PEBP4: variants seen among roughly 807,000 people sequenced by gnomAD.
PEBP4 encodes the protein phosphatidylethanolamine-binding protein 4.
Under a neutral mutation model 23.9 loss-of-function variants are expected in PEBP4, and 22 were observed. That is an observed-to-expected ratio of 0.92 (90% CI 0.66 to 1.31). The LOEUF (loss-of-function observed/expected upper bound fraction) is 1.31. Ranked by LOEUF, PEBP4 falls within the 40% of genes most tolerant of loss-of-function variation. The pLI is 0.00. For missense variants in PEBP4, 324 were observed against 281.7 expected, an observed-to-expected ratio of 1.15 and a Z score of -1.07; for synonymous variants, 112 against 99.3, an observed-to-expected ratio of 1.13 and a Z score of -0.76.
At chr8:22,792,827 T>C (rs1321615337) in intron 4 of PEBP4, among the ~76,000 whole-genome samples, 1 of 151,342 alleles carries the variant, frequency 6.6e-6, no homozygotes, top group Admixed American at 6.6e-5. Context: ...CCATGGGGCA[T>C]TGCGGTGGGT....
chr8:22,937,893 T>G (rs1289259540), intron 1 of PEBP4, among the ~76,000 whole-genome samples: 1 of 152,052 alleles, frequency 6.6e-6, no homozygotes, highest in Non-Finnish European at 1.5e-5. Flanking sequence ...TGCAAAAGAA[T>G]GAAGGTGGAT....
chr8:22,868,974 A>G (rs1807957127), intron 3 of PEBP4, among the ~76,000 whole-genome samples: 1 of 151,878 alleles, frequency 6.6e-6, no homozygotes, highest in Non-Finnish European at 1.5e-5. Context: ...AAGCCACCAG[A>G]CCCTACAGGA....
intron 3 of PEBP4, among the ~76,000 whole-genome samples, chr8:22,818,036 G>C (rs572091512): frequency 6.6e-6 from 1 of 152,312 alleles, no homozygotes; most frequent in South Asian, 2.1e-4. Flanking sequence ...GTGCCGTGGA[G>C]GAATCAAGGA....
intron 4 of PEBP4, among the ~76,000 whole-genome samples, chr8:22,732,637 TG>T (rs1554479293): frequency 8.8e-4 from 17 of 19,412 alleles, no homozygotes; most frequent in African/African-American, 1.3e-3. Context: ...GCCCCATTTG[TG>T]TGTGTGTGTG....
intron 3 of PEBP4, among the ~76,000 whole-genome samples, chr8:22,902,644 G>T (rs1159493650): frequency 2.0e-5 from 3 of 152,208 alleles, no homozygotes; most frequent in African/African-American, 7.2e-5. Flanking sequence ...GATGAATGCT[G>T]AGATCTCAGC....
intron 4 of PEBP4, among the ~76,000 whole-genome samples, chr8:22,786,824 CTTTTT>C (rs112542901): frequency 7.0e-6 from 1 of 142,368 alleles, no homozygotes; most frequent in African/African-American, 2.6e-5. Flanking sequence ...CCCCCTACCG[CTTTTT>C]TTTTTTTTTG....
intron 4 of PEBP4, among the ~76,000 whole-genome samples, chr8:22,810,679 T>C (rs1455593276): frequency 1.5e-4 from 15 of 101,762 alleles, no homozygotes; most frequent in African/African-American, 3.5e-4. Context: ...GGTGTGTGTG[T>C]GTGTGTGTGT....
At chr8:22,743,778 C>G (rs1805051079) in intron 4 of PEBP4, among the ~76,000 whole-genome samples, 1 of 152,238 alleles carries the variant, frequency 6.6e-6, no homozygotes, top group African/African-American at 2.4e-5. Context: ...CAGCACCACG[C>G]CCCTTTCCTC....
intron 4 of PEBP4, among the ~76,000 whole-genome samples, chr8:22,803,096 C>G (rs1011091006): frequency 3.9e-5 from 6 of 152,172 alleles, no homozygotes; most frequent in African/African-American, 1.4e-4. Context: ...CTCCCTGCCT[C>G]TCCTCACTCT....
At chr8:22,766,131 C>T (rs1805610424) in intron 4 of PEBP4, among the ~76,000 whole-genome samples, 1 of 152,262 alleles carries the variant, frequency 6.6e-6, no homozygotes, top group South Asian at 2.1e-4. Context: ...CTGTGTCTCC[C>T]TTCCTCACCC....
At chr8:22,713,684 G>A (rs921734776) in intron 6 of PEBP4, 148 bp from the exon 7 acceptor site, 48 of 1,126,122 alleles carry the variant, frequency 4.3e-5, no homozygotes, top group Admixed American at 9.9e-5. Context: ...GGGAGCTTCC[G>A]GCTCCTGTTG....
At chr8:22,924,766 G>C (rs1359377791) in intron 2 of PEBP4, 1 of 985,256 alleles carries the variant, frequency 1.0e-6, no homozygotes, top group Non-Finnish European at 1.2e-6. Context: ...GAGAATCATG[G>C]TTCTTTCCAT....
In PEBP4 at chr8:22,865,548, G is replaced by A. The variant is rs987323988; in HGVS notation, c.259-47813C>T. ...CTAAAAAAGGCAAGGCGCTGCTGCC[G>A]GTGCCGGTGCCGCAGCCGCCGGGGA... On this transcript the variant is annotated intron_variant, in intron 3 of 6. Transcript: ENST00000256404. The surrounding 1 kb of genome is among the most constrained non-coding windows in gnomAD (Gnocchi z 6.9). Among the ~76,000 whole-genome samples the A allele has an allele frequency of 3.9e-5, 6 of 152,124 alleles. No individual in the cohort carries two copies. The highest frequency in any genetic ancestry group is 7.4e-5 in the Non-Finnish European group (5 of 68,012).
At chr8:22,878,125 G>A (rs1447669931) in intron 3 of PEBP4, 1 of 151,980 alleles carries the variant, frequency 6.6e-6, no homozygotes, top group African/African-American at 2.4e-5. Flanking sequence ...CCAGTCTGCT[G>A]TGCTCCTGCA....
At chr8:22,811,068 ACTCT>A (rs1258136328) in intron 4 of PEBP4, among the ~76,000 whole-genome samples, 2 of 151,256 alleles carry the variant, frequency 1.3e-5, no homozygotes, top group African/African-American at 2.4e-5. Context: ...TCATATCCGC[ACTCT>A]CTCTTTCTTT....
upstream of PEBP4, among the ~76,000 whole-genome samples, chr8:22,929,401 T>C (rs922868140): frequency 6.6e-6 from 1 of 152,156 alleles, no homozygotes; most frequent in Non-Finnish European, 1.5e-5. Flanking sequence ...AAGTCTCAAC[T>C]TTTCTGGGTG....
At chr8:22,817,917 G>A (rs117838915) in intron 3 of PEBP4, among the ~76,000 whole-genome samples, 182 bp from the exon 4 acceptor site, 2,643 of 152,232 alleles carry the variant, frequency 0.017, 32 homozygotes, top group Non-Finnish European at 0.027. Flanking sequence ...TCAGAGAAAT[G>A]GCATCTGTGA....
At chr8:22,746,191 C>T (rs1805112554) in intron 4 of PEBP4, among the ~76,000 whole-genome samples, 1 of 152,184 alleles carries the variant, frequency 6.6e-6, no homozygotes, top group African/African-American at 2.4e-5. Context: ...AGGGTCCTCC[C>T]TGTTAGATCT....
At position 22,851,460 on chromosome 8, in the gene PEBP4, G is replaced by A. The variant is rs184670595; in HGVS notation, c.259-33725C>T. ...ACTTGGGATTTTGGAACTAGATGAT[G>A]AGACCCAGAGATCATCTGGTATAAC... On this transcript the variant is annotated intron_variant, in intron 3 of 6. Transcript: ENST00000256404. Among the ~76,000 whole-genome samples the A allele has an allele frequency of 5.9e-5, 9 of 152,266 alleles. No individual in the cohort carries two copies. The East Asian group carries it at 1.7e-3, about 29-fold the overall frequency.
Sources: gnomAD v4.1 joint callset for allele counts (sites outside exome capture counted in the v4.1 genomes callset) on GRCh38, gnomAD v4.1.1 for gene constraint, Gnocchi (gnomAD v3.1) non-coding constraint, MANE v1.5 for transcripts, NCBI Gene and HGNC (gene_info 2026-07-23, HGNC 2026-07-21) for gene names.